KIF18A: variants seen among roughly 807,000 people sequenced by gnomAD.
KIF18A encodes the protein kinesin-like protein KIF18A.
KIF18A carries 67 observed loss-of-function variants against 103.3 expected under a neutral mutation model. That is an observed-to-expected ratio of 0.65 (90% CI 0.53 to 0.79). The LOEUF (loss-of-function observed/expected upper bound fraction) is 0.79, where lower values mean the gene tolerates loss of function less well. Ranked by LOEUF, KIF18A falls within the 30% of genes least tolerant of loss-of-function variation. The pLI is 0.00. For missense variants in KIF18A, 1,032 were observed against 1,062.5 expected (o/e 0.97, Z 0.40); for synonymous variants, 367 against 355.5 (o/e 1.03, Z -0.36).
chr11:28,072,421 C>T (rs1465642640), intron 10 of KIF18A, among the ~76,000 whole-genome samples: 1 of 152,120 alleles, frequency 6.6e-6, no homozygotes, highest in Non-Finnish European at 1.5e-5. Context: ...ATAGCTGAAT[C>T]GATGTTATGA....
intron 13 of KIF18A, among the ~76,000 whole-genome samples, chr11:28,042,784 T>C (rs985741511): frequency 2.0e-5 from 3 of 151,896 alleles, no homozygotes; most frequent in African/African-American, 7.2e-5. Flanking sequence ...CCCACTCAGA[T>C]TCCCTTTAAA....
chr11:28,090,569 A>G, intron 5 of KIF18A, 48 bp downstream of exon 5: 1 of 1,048,078 alleles, frequency 9.5e-7, no homozygotes, highest in Non-Finnish European at 1.5e-6. Context: ...ATTTAGCTTC[A>G]TTTATTTTAA....
intron 15 of KIF18A, among the ~76,000 whole-genome samples, chr11:28,025,889 A>G (rs924452052): frequency 4.6e-5 from 7 of 151,964 alleles, no homozygotes; most frequent in African/African-American, 1.7e-4. Flanking sequence ...CTCTTCTACT[A>G]TTTTATCTGA....
In KIF18A at chr11:28,084,665, C is replaced by T. The variant is rs376139720; in HGVS notation, c.1041G>A (p.Lys347=). The part of the protein sequence containing the change: ...VFYDDTYNTL[K]YANRAKDIKS... ...TAATGTCCTTTGCCCGGTTAGCATA[C>T]TTAAGAGTGTTATATGTGTCATCGT... The change falls in exon 7 of 17, where the codon AAG becomes AAA. Residue 347 remains lysine (K), a synonymous_variant. Coordinates refer to ENST00000263181, the MANE Select transcript of KIF18A (RefSeq NM_031217.4). 3 of 1,612,658 alleles carry T rather than the reference C, an allele frequency of 1.9e-6. No homozygotes were observed. The highest frequency in any genetic ancestry group is 1.7e-6 in the Non-Finnish European group (2 of 1,178,944).
chr11:28,095,800 A>C (rs1851361295), intron 2 of KIF18A, among the ~76,000 whole-genome samples: 1 of 152,042 alleles, frequency 6.6e-6, no homozygotes, highest in African/African-American at 2.4e-5. Flanking sequence ...GCTTGAGCCC[A>C]GGAGTTTGAG....
intron 11 of KIF18A, among the ~76,000 whole-genome samples, chr11:28,067,486 G>GAAT (rs1850949322): frequency 6.6e-6 from 1 of 151,970 alleles, no homozygotes; most frequent in Admixed American, 6.6e-5. Flanking sequence ...CATATTAACA[G>GAAT]AATAATCATT....
chr11:28,088,415 T>C, intron 6 of KIF18A, 109 bp downstream of exon 6: 2 of 871,756 alleles, frequency 2.3e-6, no homozygotes, highest in Non-Finnish European at 3.6e-6. Context: ...TGATATACCC[T>C]TGAAATGTGA....
At chr11:28,070,591 T>C (rs1011647813) in intron 10 of KIF18A, among the ~76,000 whole-genome samples, 3 of 152,174 alleles carry the variant, frequency 2.0e-5, no homozygotes, top group Middle Eastern at 3.2e-3. Context: ...CTCTGGTTAA[T>C]TATAATATCC....
At chr11:28,086,652 C>T (rs1297557958) in intron 6 of KIF18A, among the ~76,000 whole-genome samples, 1 of 152,156 alleles carries the variant, frequency 6.6e-6, no homozygotes, top group Non-Finnish European at 1.5e-5. Flanking sequence ...AGAAATAGGT[C>T]CTAGTTCCCC....
At position 28,045,796 on chromosome 11, in the gene KIF18A, C is replaced by T. The variant is rs557489848; in HGVS notation, c.1949-9132G>A. On this transcript the variant is annotated intron_variant, in intron 13 of 16. Transcript: ENST00000263181. ...GAAATATTGTAGGTTGCAACCTACT[C>T]ATCTGACAAAGGGCTAATATCCAGA... 1.7e-3 allele frequency among the ~76,000 whole-genome samples: 258 copies of T among 152,050 alleles called. 1 individual carries two copies. Among genetic ancestry groups the T allele is most frequent in the Middle Eastern group, 0.01 (3 of 294 alleles).
At chr11:28,042,133 A>G (rs1366249627) in intron 13 of KIF18A, among the ~76,000 whole-genome samples, 3 of 151,760 alleles carry the variant, frequency 2.0e-5, no homozygotes, top group Non-Finnish European at 2.9e-5. Context: ...TTATTCAGAG[A>G]CGATGAGTGT....
chr11:28,031,596 G>T (rs973795016), intron 15 of KIF18A, among the ~76,000 whole-genome samples: 1 of 151,698 alleles, frequency 6.6e-6, no homozygotes, highest in Non-Finnish European at 1.5e-5. Context: ...CGAGTTAATG[G>T]GTGCAGCACA....
intron 1 of KIF18A, among the ~76,000 whole-genome samples, chr11:28,104,789 T>C (rs1364630396): frequency 6.6e-6 from 1 of 152,176 alleles, no homozygotes; most frequent in Non-Finnish European, 1.5e-5. Context: ...AATAAATGAA[T>C]GAATAAACCA....
In KIF18A at chr11:28,090,606, T is replaced by C. The variant is rs372128221; in HGVS notation, c.699+11A>G. ...TCCAATTTTAAGAGTGATAGTCTAGTGGCCTCTTACTTGGAAAACAGCATG... is the reference window on the plus strand; with the variant it reads ...TCCAATTTTAAGAGTGATAGTCTAGCGGCCTCTTACTTGGAAAACAGCATG... On this transcript the variant is annotated intron_variant, in intron 5 of 16. Transcript: ENST00000263181. 6.8e-6 allele frequency: 9 copies of C among 1,329,224 alleles called. No individual in the cohort carries two copies. In the African/African-American group the frequency reaches 1.0e-4, roughly 15 times the overall value. The allele number at this position is 1,329,224 out of a possible 1,614,324, so 82.3% of individuals were successfully genotyped here. A position where few individuals can be genotyped will look rare whatever the true frequency, so the allele number is the denominator to read the frequency against.
chr11:28,077,953 C>T (rs1851116808), intron 9 of KIF18A, among the ~76,000 whole-genome samples: 1 of 152,116 alleles, frequency 6.6e-6, no homozygotes, highest in Non-Finnish European at 1.5e-5. Flanking sequence ...AACCTGCAAT[C>T]CTGTATCCTT....
chr11:28,094,200 G>T (rs1054095820), intron 3 of KIF18A, among the ~76,000 whole-genome samples: 9 of 152,158 alleles, frequency 5.9e-5, no homozygotes, highest in African/African-American at 9.6e-5. Context: ...ACAATAAAGG[G>T]TATTAATGAA....
intron 1 of KIF18A, among the ~76,000 whole-genome samples, chr11:28,098,834 C>T (rs1851408748): frequency 1.3e-5 from 2 of 151,162 alleles, no homozygotes; most frequent in African/African-American, 4.9e-5. Flanking sequence ...ATCTGCAGAC[C>T]CAAAAACCAA....
chr11:28,059,680 C>T (rs1209735774), intron 12 of KIF18A, among the ~76,000 whole-genome samples: 2 of 152,062 alleles, frequency 1.3e-5, no homozygotes, highest in African/African-American at 2.4e-5. Context: ...GATCTTCTTG[C>T]CTCCACCTCC....
At chr11:28,102,361 T>G (rs117898489) in intron 1 of KIF18A, among the ~76,000 whole-genome samples, 1 of 152,154 alleles carries the variant, frequency 6.6e-6, no homozygotes, top group Non-Finnish European at 1.5e-5. Context: ...AATTTACCTA[T>G]AGCTTGGAAG....
Sources: gnomAD v4.1 joint callset for allele counts (sites outside exome capture counted in the v4.1 genomes callset) on GRCh38, gnomAD v4.1.1 for gene constraint, MANE v1.5 for transcripts, NCBI Gene and HGNC (gene_info 2026-07-23, HGNC 2026-07-21) for gene names.